Variants in C4orf36 observed in about 807,000 individuals in gnomAD.
C4orf36 encodes uncharacterized protein C4orf36.
In C4orf36, 11 loss-of-function variants were observed where a neutral mutation model predicts 12.2. That is an observed-to-expected ratio of 0.90 (90% confidence interval 0.57 to 1.49). The LOEUF (loss-of-function observed/expected upper bound fraction) is 1.49, where lower values mean the gene tolerates loss of function less well. C4orf36 is among the 40% of genes most tolerant of loss of function. The pLI is 0.00. For missense variants in C4orf36, 137 were observed against 133.9 expected, an observed-to-expected ratio of 1.02 and a Z score of -0.11; for synonymous variants, 54 against 51.3, an observed-to-expected ratio of 1.05 and a Z score of -0.22.
At chr4:86,893,581 C>CA (rs559916313), upstream of C4orf36, among the ~76,000 whole-genome samples, 8,748 of 135,250 alleles carry the variant, frequency 0.065, 839 homozygotes, top group African/African-American at 0.21. Flanking sequence ...GACTCCATCT[C>CA]AAAAAAAAAA....
intron 4 of C4orf36, among the ~76,000 whole-genome samples, chr4:86,881,007 TG>T (rs1217728619): frequency 1.4e-5 from 2 of 145,030 alleles, no homozygotes; most frequent in Non-Finnish European, 3.0e-5. Context: ...GACTCCAGCC[TG>T]GGCAACAGAG....
chr4:86,897,502 T>C, the C4orf36 span, among the ~76,000 whole-genome samples: 1 of 152,226 alleles, frequency 6.6e-6, no homozygotes, highest in African/African-American at 2.4e-5. Context: ...CTGGATTCTC[T>C]CACCCAGCCA....
At chr4:86,901,738 T>C in the C4orf36 span, among the ~76,000 whole-genome samples, 1 of 152,134 alleles carries the variant, frequency 6.6e-6, no homozygotes, top group Non-Finnish European at 1.5e-5. Flanking sequence ...CCTCCACTCA[T>C]ACCAATCTTC....
chr4:86,878,839 G>A (rs1355512219), intron 4 of C4orf36, among the ~76,000 whole-genome samples: 1 of 152,198 alleles, frequency 6.6e-6, no homozygotes, highest in East Asian at 1.9e-4. Context: ...TGGAGAGAGT[G>A]TAGTACCACA....
At chr4:86,924,876 G>C in the C4orf36 span, 1 of 152,234 alleles carries the variant, frequency 6.6e-6, no homozygotes, top group Non-Finnish European at 1.5e-5. Flanking sequence ...ATTTACTCAT[G>C]GTTCTGCCAG....
At chr4:86,902,064 G>A in the C4orf36 span, among the ~76,000 whole-genome samples, 1 of 152,096 alleles carries the variant, frequency 6.6e-6, no homozygotes, top group Non-Finnish European at 1.5e-5. Flanking sequence ...GGCGAGCCTG[G>A]AGCAATGTGT....
chr4:86,909,224 A>G, the C4orf36 span, among the ~76,000 whole-genome samples: 4 of 152,232 alleles, frequency 2.6e-5, no homozygotes, highest in African/African-American at 9.6e-5. Flanking sequence ...ACACCATTAC[A>G]TATGAGGAGC....
the C4orf36 span, among the ~76,000 whole-genome samples, chr4:86,920,566 T>A: frequency 3.3e-5 from 5 of 152,212 alleles, no homozygotes; most frequent in Non-Finnish European, 5.9e-5. Context: ...AGCTTGCAGT[T>A]CTGGAGGCTG....
Position 86,887,789 on chromosome 4 carries a change from C to A in C4orf36, c.325G>T (p.Gly109Cys). 6.2e-7 allele frequency: 1 copy of A among 1,614,208 alleles called. No individual in the cohort carries two copies. The highest frequency in any genetic ancestry group is 8.5e-7 in the Non-Finnish European group (1 of 1,180,048). ...TTAGATGGAAGAGGTCTTCTCAAACCGGCTGGCCTTTCCCTCAGGAGAAGC... is the reference window on the plus strand; with the variant it reads ...TTAGATGGAAGAGGTCTTCTCAAACAGGCTGGCCTTTCCCTCAGGAGAAGC... ...IQLLLRERPA[G>C]LRRPLPSK The change falls in exon 4 of 5, where the codon GGT (glycine) becomes TGT (cysteine). Residue 109 changes from glycine (G) to cysteine (C), a missense_variant. Coordinates refer to ENST00000295898, the MANE Select transcript of C4orf36 (RefSeq NM_144645.4).
the C4orf36 span, among the ~76,000 whole-genome samples, chr4:86,912,849 A>G: frequency 6.6e-6 from 1 of 151,988 alleles, no homozygotes; most frequent in East Asian, 1.9e-4. Context: ...AAAGACCATT[A>G]GGTCACTCCA....
intron 2 of C4orf36, among the ~76,000 whole-genome samples, chr4:86,889,088 G>T (rs184806829): frequency 6.6e-6 from 1 of 152,314 alleles, no homozygotes; most frequent in Non-Finnish European, 1.5e-5. Context: ...GGTGGCTCAC[G>T]CCTGTAATCC....
the C4orf36 span, chr4:86,913,941 C>T: frequency 6.8e-7 from 1 of 1,466,714 alleles, no homozygotes; most frequent in South Asian, 1.2e-5. Flanking sequence ...TCTCCTGCCT[C>T]AGCCTCCCGA....
Position 86,892,392 on chromosome 4 carries a change from C to T in C4orf36, c.-283G>A. 6.1e-6 allele frequency: 6 copies of T among 985,598 alleles called. No individual in the cohort carries two copies. Among genetic ancestry groups the T allele is most frequent in the Non-Finnish European group, 7.2e-6 (6 of 830,066 alleles). 61.1% of individuals were successfully genotyped at this position (985,598 alleles called of 1,614,324 possible). ...TCGGGGCCGCGCCGCAGGCACACGC[C>T]TCCTTCCCGCTCGCCGCGGGCGCCG... On this transcript the variant is annotated 5_prime_UTR_variant, in exon 1 of 5. Coordinates refer to ENST00000295898, the MANE Select transcript of C4orf36 (RefSeq NM_144645.4).
chr4:86,923,875 A>C, the C4orf36 span, among the ~76,000 whole-genome samples: 1 of 152,112 alleles, frequency 6.6e-6, no homozygotes, highest in South Asian at 2.1e-4. Context: ...TGTCAAATCC[A>C]TATTATTACT....
the C4orf36 span, among the ~76,000 whole-genome samples, chr4:86,918,385 A>G: frequency 2.6e-5 from 4 of 152,252 alleles, no homozygotes; most frequent in African/African-American, 9.6e-5. Flanking sequence ...ACAAGAGTCC[A>G]GGAATCAAGG....
the C4orf36 span, among the ~76,000 whole-genome samples, chr4:86,934,124 TTAAG>T: frequency 5.8e-3 from 880 of 152,312 alleles, 13 homozygotes; most frequent in African/African-American, 0.02. Flanking sequence ...CATATTAAAT[TTAAG>T]TAAGGCGCTT....
the C4orf36 span, chr4:86,914,339 G>T: frequency 6.8e-7 from 1 of 1,479,464 alleles, no homozygotes; most frequent in Non-Finnish European, 9.3e-7. Flanking sequence ...TATGTCCGTT[G>T]TGCTCCTTGA....
chr4:86,889,434 G>C (rs1331891910), intron 2 of C4orf36, among the ~76,000 whole-genome samples: 1 of 151,916 alleles, frequency 6.6e-6, no homozygotes, highest in African/African-American at 2.4e-5. Context: ...AACATGTAAT[G>C]AAAGAATAAG....
the C4orf36 span, among the ~76,000 whole-genome samples, chr4:86,931,356 T>C: frequency 6.6e-6 from 1 of 152,144 alleles, no homozygotes; most frequent in Non-Finnish European, 1.5e-5. Flanking sequence ...TCTCCTCATC[T>C]ACACCGCTTT....
Sources: allele counts gnomAD v4.1 joint callset (sites outside exome capture counted in the v4.1 genomes callset), GRCh38; gene constraint gnomAD v4.1.1; transcripts MANE v1.5; gene names NCBI Gene and HGNC (gene_info 2026-07-23, HGNC 2026-07-21).